The following GAREM2 variants were observed in gnomAD, a reference collection of about 807,000 sequenced individuals.
GAREM2 encodes the protein GRB2-associated and regulator of MAPK protein 2.
A neutral mutation model predicts 55.6 loss-of-function variants in GAREM2; 30 were observed. That is an observed-to-expected ratio of 0.54 (90% CI 0.40 to 0.73). GAREM2 has a LOEUF of 0.73. GAREM2 is among the 30% of genes least tolerant of loss of function. The pLI, the probability that GAREM2 is intolerant of heterozygous loss-of-function variation, is 0.00. For synonymous variants in GAREM2, 550 were observed against 569.1 expected (o/e 0.97, Z 0.48); for missense variants, 1,075 against 1,257.7 (o/e 0.85, Z 2.20).
chr2:26,183,859 A>G (rs563490376), intron 3 of GAREM2, among the ~76,000 whole-genome samples: 4 of 152,400 alleles, frequency 2.6e-5, no homozygotes, highest in African/African-American at 9.6e-5. Flanking sequence ...GTAGGGCATT[A>G]TGATCGCCCA....
At chr2:26,201,082 T>A in the GAREM2 span, 102 of 1,152,242 alleles carry the variant, frequency 8.9e-5, no homozygotes, top group Non-Finnish European at 1.1e-4. Context: ...ATAGCTCCTT[T>A]AAAAAAAAAA....
chr2:26,194,777 C>A, the GAREM2 span: 1 of 732,050 alleles, frequency 1.4e-6, no homozygotes, highest in South Asian at 1.5e-5. Context: ...CAATCAGAAT[C>A]CTTAAAAATG....
the GAREM2 span, chr2:26,201,386 G>T: frequency 9.1e-7 from 1 of 1,098,650 alleles, no homozygotes; most frequent in Non-Finnish European, 1.4e-6. Context: ...AATGTCCATG[G>T]GCCAGAGCAC....
the GAREM2 span, chr2:26,204,215 A>G: frequency 6.2e-7 from 1 of 1,613,128 alleles, no homozygotes; most frequent in Non-Finnish European, 8.5e-7. Context: ...CAAGGATGAA[A>G]TGACTTTCGG....
At chr2:26,191,490 A>G (rs771245886), downstream of GAREM2, 1 of 1,614,178 alleles carries the variant, frequency 6.2e-7, no homozygotes, top group Non-Finnish European at 8.5e-7. Context: ...AACCTCCCAG[A>G]CAAGGCGGGA....
At position 26,184,768 on chromosome 2, in the gene GAREM2, G is replaced by T. The variant is rs1387558228; in HGVS notation, c.920G>T (p.Arg307Leu). 5 of 1,495,236 alleles carry T rather than the reference G, an allele frequency of 3.3e-6. No homozygotes were observed. Among genetic ancestry groups the T allele is most frequent in the Non-Finnish European group, 4.4e-6 (5 of 1,128,240 alleles). The allele number at this position is 1,495,236 out of a possible 1,614,324, so 92.6% of individuals were successfully genotyped here. A position where few individuals can be genotyped will look rare whatever the true frequency, so the allele number is the denominator to read the frequency against. ...GTGGTGCTGGGGCTGGCGCTGCGCC[G>T]CGAGGGCCCGGCGCCGCTGCACTTC... is the stretch of plus-strand genomic sequence containing the variant. ...KTVVLGLALR[R>L]EGPAPLHFLL... is the part of the protein sequence containing the mutation. The change falls in exon 4 of 6, where the codon CGC (arginine) becomes CTC (leucine). Residue 307 changes from arginine to leucine, a missense_variant. Physicochemically the swap from Arg to Leu is moderately radical, Grantham distance 102 (BLOSUM62 -2). Transcript: ENST00000401533.
At position 26,188,285 on chromosome 2, in the gene GAREM2, A is replaced by C. The variant is rs572817490; in HGVS notation, c.*28A>C. ...TGCCCAGCTGGAGCTGCACAGCTGG[A>C]ATGCTGGTATGGGGGCCCCAGGTAC... On this transcript the variant is annotated 3_prime_UTR_variant, in exon 6 of 6. Transcript: ENST00000401533. The C allele has an allele frequency of 7.1e-7, 1 of 1,416,318 alleles. No individual in the cohort carries two copies. The highest frequency in any genetic ancestry group is 1.5e-5 in the African/African-American group (1 of 68,674). The allele number at this position is 1,416,318 out of a possible 1,614,324, so 87.7% of individuals were successfully genotyped here. A position where few individuals can be genotyped will look rare whatever the true frequency, so the allele number is the denominator to read the frequency against.
chr2:26,176,543 T>TG, intron 2 of GAREM2, 59 bp downstream of exon 2: 1 of 1,395,534 alleles, frequency 7.2e-7, no homozygotes, highest in Non-Finnish European at 9.5e-7. Flanking sequence ...CAGGAGGGAC[T>TG]GGGGCCAGGG....
Position 26,188,154 on chromosome 2 carries a change from T to G in GAREM2, c.2522T>G (p.Phe841Cys), listed in dbSNP as rs1669355871. The change falls in exon 6 of 6, where the codon TTT (phenylalanine) becomes TGT (cysteine). Residue 841 changes from phenylalanine (F) to cysteine (C), a missense_variant. Phe to Cys is a radical substitution (Grantham distance 205). Transcript: ENST00000401533. ...CGAGAACGCATCGATGGTAGCATCT[T>G]TGTGCAGCTCAGTGAGGACATCCTG... ...FARERIDGSI[F>C]VQLSEDILAD... 6.4e-7 allele frequency: 1 copy of G among 1,550,976 alleles called. No individual in the cohort carries two copies. Among genetic ancestry groups the G allele is most frequent in the Non-Finnish European group, 8.7e-7 (1 of 1,146,648 alleles).
In GAREM2 at chr2:26,173,206, C is replaced by T. The variant is rs1014467747; in HGVS notation, c.-15C>T. 8.2e-6 allele frequency: 10 copies of T among 1,212,750 alleles called. No individual in the cohort carries two copies. The African/African-American group carries it at 1.3e-4, about 16-fold the overall frequency. 75.1% of individuals were successfully genotyped at this position (1,212,750 alleles called of 1,614,324 possible). On this transcript the variant is annotated 5_prime_UTR_variant, in exon 1 of 6. Transcript: ENST00000401533. ...CGTCGGGGCCCCGGGACGGCGGCCC[C>T]GGGGCGCCCATGCCATGGAGAAGCT...
intron 2 of GAREM2, chr2:26,182,322 G>C (rs1574590164): frequency 6.8e-7 from 1 of 1,471,652 alleles, no homozygotes; most frequent in East Asian, 2.5e-5. Flanking sequence ...GTTCAGGTCA[G>C]AGCCTCTGGG....
the GAREM2 span, among the ~76,000 whole-genome samples, chr2:26,195,914 G>A: frequency 6.6e-6 from 1 of 152,198 alleles, no homozygotes; most frequent in East Asian, 1.9e-4. Flanking sequence ...TAAGGTTTCA[G>A]AGAAACCCCT....
At chr2:26,177,133 A>T (rs1005644578) in intron 2 of GAREM2, among the ~76,000 whole-genome samples, 4 of 152,226 alleles carry the variant, frequency 2.6e-5, no homozygotes, top group African/African-American at 9.6e-5. Context: ...CCTTTTACAG[A>T]TGATGAAACG....
chr2:26,193,658 C>A, downstream of GAREM2: 1 of 1,614,080 alleles, frequency 6.2e-7, no homozygotes, highest in Non-Finnish European at 8.5e-7. Context: ...TTGCCCAGAT[C>A]TTCCGCCACA....
the GAREM2 span, chr2:26,195,230 C>T: frequency 6.2e-7 from 1 of 1,612,800 alleles, no homozygotes; most frequent in Non-Finnish European, 8.5e-7. Context: ...GCATGCCAAT[C>T]ACCTGGCAAG....
intron 2 of GAREM2, chr2:26,182,606 C>G (rs914548113): frequency 1.9e-6 from 2 of 1,028,544 alleles, no homozygotes; most frequent in African/African-American, 3.2e-5. Context: ...GAGCAAGGAG[C>G]CAGCATCCCG....
Position 26,185,258 on chromosome 2 carries a change from C to G in GAREM2, c.1410C>G (p.Val470=). The G allele has an allele frequency of 2.6e-6, 4 of 1,520,910 alleles. No individual in the cohort carries two copies. The highest frequency in any genetic ancestry group is 3.5e-6 in the Non-Finnish European group (4 of 1,141,056). The allele number at this position is 1,520,910 out of a possible 1,614,324, so 94.2% of individuals were successfully genotyped here. A position where few individuals can be genotyped will look rare whatever the true frequency, so the allele number is the denominator to read the frequency against. The stretch of plus-strand genomic sequence containing the variant: ...AGCCGGAAGCGCCGCCGCCTCCAGT[C>G]CCTCCCAAATCCGAGGCGGTGAGTG... ...RREPEAPPPP[V]PPKSEAVKEE... The change falls in exon 4 of 6, where the codon GTC becomes GTG. Residue 470 remains valine, a synonymous_variant. Transcript: ENST00000401533.
rs1205838955 is a variant in GAREM2, at chr2:26,187,235, G to C, written c.1603G>C (p.Gly535Arg). The C allele has an allele frequency of 2.8e-5, 41 of 1,449,136 alleles. No homozygotes were observed. Among genetic ancestry groups the C allele is most frequent in the Non-Finnish European group, 3.7e-5 (41 of 1,095,472 alleles). The allele number at this position is 1,449,136 out of a possible 1,614,324, so 89.8% of individuals were successfully genotyped here. The change falls in exon 6 of 6, where the codon GGT becomes CGT. Residue 535 changes from glycine to arginine, a missense_variant. Gly to Arg is a moderately radical substitution (Grantham distance 125). Coordinates refer to ENST00000401533, the MANE Select transcript of GAREM2 (RefSeq NM_001168241.2). ...YYSSGLQDGA[G>R]SRSGSGSPSP... ...TGTGTCTGTCTCTGTCCACAGGGCG[G>C]GTTCCCGCAGTGGCAGTGGCTCCCC... is the stretch of plus-strand genomic sequence containing the variant.
rs912037190 is a variant in GAREM2, at chr2:26,187,212, T to C, written c.1599-19T>C. On this transcript the variant is annotated intron_variant, in intron 5 of 5. Coordinates refer to ENST00000401533, the MANE Select transcript of GAREM2 (RefSeq NM_001168241.2). ...CAGCCTCACCTGTCCTATGTGTGTG[T>C]GTCTGTCTCTGTCCACAGGGCGGGT... is the stretch of plus-strand genomic sequence containing the variant. The C allele has an allele frequency of 6.9e-6, 10 of 1,441,136 alleles. No homozygotes were observed. The highest frequency in any genetic ancestry group is 2.9e-5 in the African/African-American group (2 of 69,552). 89.3% of individuals were successfully genotyped at this position (1,441,136 alleles called of 1,614,324 possible). A position where few individuals can be genotyped will look rare whatever the true frequency, so the allele number is the denominator to read the frequency against.
Sources: allele counts gnomAD v4.1 joint callset (sites outside exome capture counted in the v4.1 genomes callset), GRCh38; gene constraint gnomAD v4.1.1; transcripts MANE v1.5; gene names NCBI Gene and HGNC (gene_info 2026-07-23, HGNC 2026-07-21).